Variants in CDK14 observed in about 807,000 individuals in gnomAD.
CDK14 encodes cyclin dependent kinase 14, also known as cyclin-dependent kinase 14.
Under a neutral mutation model 60.7 loss-of-function variants are expected in CDK14, and 34 were observed. That is an observed-to-expected ratio of 0.56 (90% confidence interval 0.43 to 0.75). The LOEUF (loss-of-function observed/expected upper bound fraction) is 0.75, where lower values mean the gene tolerates loss of function less well. CDK14 is among the 30% of genes least tolerant of loss of function. The pLI is 0.00. For synonymous variants in CDK14, 197 were observed against 203.7 expected (o/e 0.97, Z 0.28); for missense variants, 482 against 564.1 (o/e 0.85, Z 1.47).
At position 90,784,138 on chromosome 7, in the gene CDK14, C is replaced by T. The variant is rs10272527; in HGVS notation, c.465-6435C>T. ...ATTGTCACTTGCAACATGGGTGGAACGGGAGGACATTAACTTCGTAAATAA... is the reference window on the plus strand; with the variant it reads ...ATTGTCACTTGCAACATGGGTGGAATGGGAGGACATTAACTTCGTAAATAA... On this transcript the variant is annotated intron_variant, in intron 4 of 14. Coordinates refer to ENST00000380050, the MANE Select transcript of CDK14 (RefSeq NM_001287135.2). 6.8e-4 allele frequency among the ~76,000 whole-genome samples: 103 copies of T among 152,150 alleles called. 2 individuals are homozygous for T. The highest frequency in any genetic ancestry group is 3.4e-3 in the Middle Eastern group (1 of 294).
At chr7:91,066,321 A>G (rs1464297666) in intron 11 of CDK14, among the ~76,000 whole-genome samples, 1 of 152,162 alleles carries the variant, frequency 6.6e-6, no homozygotes, top group African/African-American at 2.4e-5. Flanking sequence ...GAGCCTTTTT[A>G]TGATCCTTCT....
intron 10 of CDK14, among the ~76,000 whole-genome samples, chr7:90,994,639 G>T (rs1795629801): frequency 6.6e-6 from 1 of 152,090 alleles, no homozygotes; most frequent in Admixed American, 6.5e-5. Context: ...TGAATTTTTT[G>T]TTTTTCCCAT....
rs574313036 is a variant in CDK14 at position 90,858,396 on chromosome 7, C to A, written c.545-4779C>A. On this transcript the variant is annotated intron_variant, in intron 5 of 14. Transcript: ENST00000380050. ...TGGGGGAAAACGGTTAAAGAAAATC[C>A]TGTGTCAAAGCGTCCTCTGGGTATG... is the stretch of plus-strand genomic sequence containing the variant. Among the ~76,000 whole-genome samples, 4 of 152,192 alleles carry A rather than the reference C, an allele frequency of 2.6e-5. No individual in the cohort carries two copies. The East Asian group carries it at 7.7e-4, about 29-fold the overall frequency.
intron 10 of CDK14, among the ~76,000 whole-genome samples, chr7:91,018,371 G>A (rs996189650): frequency 1.3e-5 from 2 of 152,128 alleles, no homozygotes; most frequent in Admixed American, 1.3e-4. Context: ...ATAAACAATG[G>A]AAACTTACTT....
chr7:90,701,907 T>C (rs115970430), intron 2 of CDK14, among the ~76,000 whole-genome samples: 142 of 152,282 alleles, frequency 9.3e-4, no homozygotes, highest in African/African-American at 3.3e-3. Context: ...AGGGTCTGAG[T>C]TGAGCTTCTT....
intron 7 of CDK14, among the ~76,000 whole-genome samples, chr7:90,905,058 C>T (rs1016601052): frequency 4.6e-5 from 7 of 152,100 alleles, no homozygotes; most frequent in African/African-American, 1.2e-4. Context: ...TGAGGATATA[C>T]TCCACTAATA....
At chr7:90,646,171 C>T (rs1490172459) in intron 2 of CDK14, among the ~76,000 whole-genome samples, 1 of 152,106 alleles carries the variant, frequency 6.6e-6, no homozygotes, top group South Asian at 2.1e-4. Context: ...ATTCACAAAG[C>T]TTAAGGGCAG....
intron 14 of CDK14, among the ~76,000 whole-genome samples, chr7:91,166,477 C>T (rs1441302656): frequency 1.3e-5 from 2 of 152,180 alleles, no homozygotes; most frequent in Non-Finnish European, 2.9e-5. Context: ...TATAGCTACT[C>T]TACTGATACA....
At chr7:91,133,586 G>A (rs1800179040) in intron 14 of CDK14, among the ~76,000 whole-genome samples, 1 of 152,128 alleles carries the variant, frequency 6.6e-6, no homozygotes, top group Admixed American at 6.6e-5. Context: ...GGGATAAAGT[G>A]AAAGTAGAAT....
At chr7:91,117,980 A>G (rs989911712) in intron 13 of CDK14, 85 bp from the exon 14 acceptor site, 12 of 727,212 alleles carry the variant, frequency 1.7e-5, no homozygotes, top group Non-Finnish European at 2.7e-5. Flanking sequence ...CCAAACTTGC[A>G]TCTCAGTCTC....
intron 11 of CDK14, among the ~76,000 whole-genome samples, chr7:91,053,866 G>A (rs1165898813): frequency 1.3e-5 from 2 of 152,104 alleles, no homozygotes; most frequent in Non-Finnish European, 2.9e-5. Flanking sequence ...GTGAGGGGAG[G>A]CCTGTGAAGT....
At chr7:91,064,329 T>G (rs1043820165) in intron 11 of CDK14, among the ~76,000 whole-genome samples, 2 of 99,968 alleles carry the variant, frequency 2.0e-5, no homozygotes, top group Non-Finnish European at 4.4e-5. Flanking sequence ...GTATAGTGAC[T>G]AGGAGCACAG....
intron 5 of CDK14, among the ~76,000 whole-genome samples, chr7:90,851,599 C>T (rs1165249525): frequency 6.6e-6 from 1 of 152,088 alleles, no homozygotes; most frequent in Non-Finnish European, 1.5e-5. Flanking sequence ...CTGTTTGTAA[C>T]CCAAACTGTC....
chr7:90,844,030 T>C lies in CDK14; in HGVS notation c.545-19145T>C, dbSNP rs756438325. Among the ~76,000 whole-genome samples the C allele has an allele frequency of 1.6e-4, 24 of 152,276 alleles. No individual in the cohort carries two copies. In the Middle Eastern group the frequency reaches 0.014, roughly 86 times the overall value. The stretch of plus-strand genomic sequence containing the variant: ...TTTGGTTTTGTAATTTAAAATGAAA[T>C]GGATTAAAAAAATAAATTATCATTA... On this transcript the variant is annotated intron_variant, in intron 5 of 14. Transcript: ENST00000380050.
chr7:90,638,651 G>C (rs927786051), intron 2 of CDK14, among the ~76,000 whole-genome samples: 2 of 152,146 alleles, frequency 1.3e-5, no homozygotes, highest in Non-Finnish European at 2.9e-5. Context: ...GGCGTTCTCT[G>C]TATTTCCTGA....
intron 2 of CDK14, among the ~76,000 whole-genome samples, chr7:90,604,993 A>G (rs1030896011): frequency 2.6e-5 from 4 of 152,098 alleles, no homozygotes; most frequent in African/African-American, 9.7e-5. Context: ...GTGTATATAG[A>G]TTGTGTTTTT....
rs553903222 is a variant in CDK14, at chr7:90,862,959, C to A, written c.545-216C>A. ...TGTCAGGAGGCTGAAGAACGAGGAT[C>A]ACTTGAACCCAGGAGTTTGAGACCA... On this transcript the variant is annotated intron_variant, in intron 5 of 14. Transcript: ENST00000380050. Among the ~76,000 whole-genome samples the A allele has an allele frequency of 1.4e-4, 22 of 152,216 alleles. No individual in the cohort carries two copies. In the South Asian group the frequency reaches 4.6e-3, roughly 32 times the overall value.
At chr7:90,836,051 T>C (rs1790085296) in intron 5 of CDK14, among the ~76,000 whole-genome samples, 1 of 152,190 alleles carries the variant, frequency 6.6e-6, no homozygotes, top group Admixed American at 6.6e-5. Context: ...CTTGCAGGAC[T>C]AGAAGTTTCA....
intron 5 of CDK14, among the ~76,000 whole-genome samples, chr7:90,815,711 T>C (rs1789321968): frequency 6.6e-6 from 1 of 152,200 alleles, no homozygotes; most frequent in Admixed American, 6.5e-5. Flanking sequence ...ATGTGGCACA[T>C]GTATACCATG....
Sources: gnomAD v4.1 joint callset for allele counts (sites outside exome capture counted in the v4.1 genomes callset) on GRCh38, gnomAD v4.1.1 for gene constraint, MANE v1.5 for transcripts, NCBI Gene and HGNC (gene_info 2026-07-23, HGNC 2026-07-21) for gene names.